ME1: variants seen among roughly 807,000 people sequenced by gnomAD.
ME1 encodes NADP-dependent malic enzyme.
In ME1, 74 loss-of-function variants were observed where a neutral mutation model predicts 66.4. The observed-to-expected ratio is 1.11, with a 90% CI of 0.92 to 1.35. The LOEUF (loss-of-function observed/expected upper bound fraction) is 1.35, where lower values mean the gene tolerates loss of function less well. Among genes scored for constraint, ME1 ranks in the 40% most tolerant of loss-of-function variants. ME1 has a pLI of 0.00. For missense variants in ME1, 750 were observed against 694.1 expected (o/e 1.08, Z -0.90); for synonymous variants, 251 against 235.6 (o/e 1.07, Z -0.60).
chr6:83,292,778 G>A (rs1767528262), intron 6 of ME1, among the ~76,000 whole-genome samples: 2 of 152,210 alleles, frequency 1.3e-5, no homozygotes, highest in South Asian at 4.1e-4. Context: ...GGTGGACTCT[G>A]CCCAGTTTGA....
chr6:83,367,304 G>A lies in ME1; in HGVS notation c.363-15165C>T, dbSNP rs1019296220. The stretch of plus-strand genomic sequence containing the variant: ...TTAGCATAATTTTTAAGGGCTCTAG[G>A]ATATTCAAAATGCTAAGTAGGTATT... On this transcript the variant is annotated intron_variant, in intron 3 of 13. Transcript: ENST00000369705. 3.3e-5 allele frequency among the ~76,000 whole-genome samples: 5 copies of A among 152,070 alleles called. 1 individual carries two copies. Among genetic ancestry groups the A allele is most frequent in the Non-Finnish European group, 7.4e-5 (5 of 68,012 alleles).
intron 9 of ME1, among the ~76,000 whole-genome samples, chr6:83,234,504 C>T (rs973907532): frequency 6.6e-6 from 1 of 152,162 alleles, no homozygotes; most frequent in African/African-American, 2.4e-5. Context: ...CCTTACTAGA[C>T]AGACCCCAAG....
At position 83,323,423 on chromosome 6, in the gene ME1, GAC is replaced by G. The variant is rs200299208; in HGVS notation, c.601-8012_601-8011del. Among the ~76,000 whole-genome samples, 993 of 151,800 alleles carry G rather than the reference GAC, an allele frequency of 6.5e-3. 12 individuals carry two copies. The highest frequency in any genetic ancestry group is 0.023 in the African/African-American group (943 of 41,352). ...TCAGGAGACTTATCTCACATGCAAA[GAC>G]ACACATAGGCTCAAAATAAAGGGAT... On this transcript the variant is annotated intron_variant, in intron 5 of 13. Transcript: ENST00000369705.
intron 5 of ME1, among the ~76,000 whole-genome samples, chr6:83,325,164 A>C (rs1422377693): frequency 6.6e-6 from 1 of 152,066 alleles, no homozygotes; most frequent in African/African-American, 2.4e-5. Context: ...AAATTCAACA[A>C]CCCTTCATGC....
chr6:83,375,544 G>A (rs372880071), intron 3 of ME1, among the ~76,000 whole-genome samples: 1 of 152,264 alleles, frequency 6.6e-6, no homozygotes, highest in African/African-American at 2.4e-5. Context: ...TGCAAACAGA[G>A]ACAGTTTGAC....
chr6:83,267,245 A>T (rs1004549957), intron 6 of ME1, among the ~76,000 whole-genome samples: 6 of 152,184 alleles, frequency 3.9e-5, no homozygotes, highest in African/African-American at 1.4e-4. Flanking sequence ...GAACCCAATA[A>T]TCCAGCAGAT....
At chr6:83,297,194 A>G (rs951848342) in intron 6 of ME1, among the ~76,000 whole-genome samples, 1 of 152,122 alleles carries the variant, frequency 6.6e-6, no homozygotes, top group Non-Finnish European at 1.5e-5. Context: ...CAGGAACTCA[A>G]TCCCATTCAC....
intron 6 of ME1, among the ~76,000 whole-genome samples, chr6:83,282,271 A>G (rs1489917047): frequency 6.6e-6 from 1 of 152,246 alleles, no homozygotes; most frequent in Non-Finnish European, 1.5e-5. Context: ...ATGAGATCTA[A>G]TTAAACTGAA....
intron 3 of ME1, chr6:83,393,150 G>A: frequency 7.5e-7 from 1 of 1,336,786 alleles, no homozygotes; most frequent in African/African-American, 1.4e-5. Context: ...CTGCCGTCTG[G>A]AAAAACCTAC....
chr6:83,313,312 C>A (rs1186951294), intron 6 of ME1, among the ~76,000 whole-genome samples: 1 of 152,100 alleles, frequency 6.6e-6, no homozygotes, highest in East Asian at 1.9e-4. Context: ...TTCATAGGTG[C>A]TATCTACATT....
At chr6:83,334,013 G>A (rs929742584) in intron 5 of ME1, among the ~76,000 whole-genome samples, 8 of 151,944 alleles carry the variant, frequency 5.3e-5, no homozygotes, top group East Asian at 3.9e-4. Flanking sequence ...CAGCGTGAGC[G>A]ACGCAGAAGA....
At chr6:83,227,617 C>T in intron 10 of ME1, 140 bp from the exon 11 acceptor site, 1 of 652,756 alleles carries the variant, frequency 1.5e-6, no homozygotes, top group Admixed American at 3.4e-5. Flanking sequence ...TATTTGTATT[C>T]AAGTATAGTG....
chr6:83,346,155 T>C lies in ME1; in HGVS notation c.600+18A>G. ...TTTTTAAAGGTACATAGCTGCCTTATAGACGTAAATTATTTACCTCATTTT... is the reference window on the plus strand; with the variant it reads ...TTTTTAAAGGTACATAGCTGCCTTACAGACGTAAATTATTTACCTCATTTT... On this transcript the variant is annotated intron_variant, in intron 5 of 13. Transcript: ENST00000369705. 3 of 1,586,086 alleles carry C rather than the reference T, an allele frequency of 1.9e-6. No individual in the cohort carries two copies. The highest frequency in any genetic ancestry group is 1.3e-5 in the African/African-American group (1 of 74,144).
chr6:83,376,596 TCCGAGACCAAC>T lies in ME1; in HGVS notation c.362+21760_362+21770del, dbSNP rs1769295277. Among the ~76,000 whole-genome samples the T allele has an allele frequency of 2.1e-5, 3 of 146,184 alleles. No individual in the cohort carries two copies. The Admixed American group carries it at 2.1e-4, about 10-fold the overall frequency. On this transcript the variant is annotated intron_variant, in intron 3 of 13. Coordinates refer to ENST00000369705, the MANE Select transcript of ME1 (RefSeq NM_002395.6). ...CGGGCTGATCCCCCAAGGCCAGGAA[TCCGAGACCAAC>T]CTGGCCAACGTGGCGAAACTCCATC...
At position 83,317,941 on chromosome 6, in the gene ME1, T is replaced by C. The variant is rs528127872; in HGVS notation, c.601-2528A>G. ...AGTAACCAAAACAGCATGGTACTGG[T>C]ACCAAAACAGAGATATAGATCAACG... On this transcript the variant is annotated intron_variant, in intron 5 of 13. Coordinates refer to ENST00000369705, the MANE Select transcript of ME1 (RefSeq NM_002395.6). 2.3e-3 allele frequency among the ~76,000 whole-genome samples: 356 copies of C among 152,160 alleles called. 1 individual carries two copies. Among genetic ancestry groups the C allele is most frequent in the African/African-American group, 6.8e-3 (283 of 41,532 alleles).
intron 7 of ME1, among the ~76,000 whole-genome samples, chr6:83,244,214 G>C (rs1405876493): frequency 1.3e-5 from 2 of 151,962 alleles, no homozygotes; most frequent in Non-Finnish European, 2.9e-5. Flanking sequence ...GGAATCCAAA[G>C]AGACTGAAAA....
chr6:83,380,956 G>T (rs1471630445), intron 3 of ME1, among the ~76,000 whole-genome samples: 1 of 151,978 alleles, frequency 6.6e-6, no homozygotes, highest in Non-Finnish European at 1.5e-5. Flanking sequence ...ATTGAAGAAA[G>T]GAAATGTATT....
rs866726540 is a variant in ME1, at chr6:83,226,655, G to C, written c.1275+680C>G. Among the ~76,000 whole-genome samples, 14 of 152,214 alleles carry C rather than the reference G, an allele frequency of 9.2e-5. No homozygotes were observed. The South Asian group carries it at 1.7e-3, about 18-fold the overall frequency. On this transcript the variant is annotated intron_variant, in intron 11 of 13. Transcript: ENST00000369705. ...GCCATTAAGTTCCAGTTAATGCAGA[G>C]TGACATAGCGTTCATGTTTACCTCT... is the stretch of plus-strand genomic sequence containing the variant.
chr6:83,313,109 G>A (rs1453610002), intron 6 of ME1, among the ~76,000 whole-genome samples: 1 of 152,122 alleles, frequency 6.6e-6, no homozygotes, highest in African/African-American at 2.4e-5. Flanking sequence ...TAGGTAACCT[G>A]TAACAATCAT....
Sources: allele counts gnomAD v4.1 joint callset (sites outside exome capture counted in the v4.1 genomes callset), GRCh38; gene constraint gnomAD v4.1.1; transcripts MANE v1.5; gene names NCBI Gene and HGNC (gene_info 2026-07-23, HGNC 2026-07-21).